ADCY9: variants seen among roughly 807,000 people sequenced by gnomAD.
The protein encoded by ADCY9 is adenylate cyclase 9.
A neutral mutation model predicts 101.5 loss-of-function variants in ADCY9; 50 were observed. The ratio of observed to expected loss-of-function variants is 0.49; its 90% CI spans 0.39 to 0.62. ADCY9 has a LOEUF of 0.62. Ranked by LOEUF, ADCY9 falls within the 20% of genes least tolerant of loss-of-function variation. The pLI is 0.00. For synonymous variants in ADCY9, 905 were observed against 769.3 expected, an observed-to-expected ratio of 1.18 and a Z score of -2.92; for missense variants, 1,662 against 1,800.4, an observed-to-expected ratio of 0.92 and a Z score of 1.39.
downstream of ADCY9, among the ~76,000 whole-genome samples, chr16:3,958,148 GAA>G (rs951315691): frequency 1.3e-5 from 2 of 152,120 alleles, no homozygotes; most frequent in African/African-American, 4.8e-5. Flanking sequence ...ACACTACCCT[GAA>G]AGACTCTCAC....
intron 2 of ADCY9, among the ~76,000 whole-genome samples, chr16:4,019,234 A>G (rs971999728): frequency 1.3e-5 from 2 of 152,084 alleles, no homozygotes; most frequent in African/African-American, 4.8e-5. Flanking sequence ...CTCCGGCCTC[A>G]GCCTGCCAAA....
intron 7 of ADCY9, chr16:3,982,742 C>G (rs888391046): frequency 1.9e-5 from 3 of 159,374 alleles, no homozygotes; most frequent in Non-Finnish European, 2.7e-5. Context: ...CTTTGTAGCG[C>G]AACAGCTTAA....
intron 2 of ADCY9, among the ~76,000 whole-genome samples, chr16:4,028,911 A>G (rs1450779762): frequency 6.6e-6 from 1 of 151,674 alleles, no homozygotes; most frequent in Non-Finnish European, 1.5e-5. Flanking sequence ...CAGTCTCTTG[A>G]GTAGCTAGGA....
Position 4,076,797 on chromosome 16 carries a change from C to T in ADCY9, c.1693+36953G>A, listed in dbSNP as rs185214570. Among the ~76,000 whole-genome samples the T allele has an allele frequency of 3.9e-3, 599 of 152,308 alleles. 5 individuals carry two copies. Among genetic ancestry groups the T allele is most frequent in the Non-Finnish European group, 7.0e-3 (477 of 68,032 alleles). ...CAATAATTAAGAATCAGCCTCCTGG[C>T]TGGGGGCGGTGGCTCACGCCTGTAA... On this transcript the variant is annotated intron_variant, in intron 2 of 10. Transcript: ENST00000294016.
chr16:3,985,126 T>A (rs1171255026), intron 6 of ADCY9, among the ~76,000 whole-genome samples: 2 of 148,128 alleles, frequency 1.4e-5, no homozygotes, highest in African/African-American at 5.0e-5. Flanking sequence ...TTTTTTCATT[T>A]TTCTTTTCTT....
chr16:4,096,689 G>T (rs1160215453), intron 2 of ADCY9, among the ~76,000 whole-genome samples: 1 of 152,112 alleles, frequency 6.6e-6, no homozygotes, highest in Non-Finnish European at 1.5e-5. Context: ...GAATCAACAT[G>T]CAATAAACAC....
chr16:4,018,970 T>TGTGTGTGTGTGTGTGTGTG (rs1555509543), intron 2 of ADCY9, among the ~76,000 whole-genome samples: 65 of 149,468 alleles, frequency 4.3e-4, no homozygotes, highest in African/African-American at 1.3e-3. Flanking sequence ...TGTGTGTGTG[T>TGTGTGTGTGTGTGTGTGTG]TTTGTTTTGT....
Position 3,965,083 on chromosome 16 carries a change from C to A in ADCY9, c.*692G>T, listed in dbSNP as rs901288281. 1 of 152,466 alleles carries A rather than the reference C, an allele frequency of 6.6e-6. No homozygotes were observed. The highest frequency in any genetic ancestry group is 2.1e-4 in the South Asian group (1 of 4,830). The allele number at this position is 152,466 out of a possible 1,614,324, so 9.4% of individuals were successfully genotyped here. A position where few individuals can be genotyped will look rare whatever the true frequency, so the allele number is the denominator to read the frequency against. On this transcript the variant is annotated 3_prime_UTR_variant, in exon 11 of 11. Coordinates refer to ENST00000294016, the MANE Select transcript of ADCY9 (RefSeq NM_001116.4). ...GGCTGGCATTTGCTGTCTTGGCCTG[C>A]ATGCATGTGGGCGAGCCCCTAAACC...
At chr16:4,079,679 T>C (rs2056889817) in intron 2 of ADCY9, among the ~76,000 whole-genome samples, 2 of 152,224 alleles carry the variant, frequency 1.3e-5, no homozygotes, top group Non-Finnish European at 2.9e-5. Context: ...TTAATGGTGT[T>C]AATGGTGTTT....
chr16:4,057,028 T>C (rs2056742866), intron 2 of ADCY9, among the ~76,000 whole-genome samples: 1 of 94,252 alleles, frequency 1.1e-5, no homozygotes, highest in Non-Finnish European at 2.2e-5. Context: ...TAACCTGTAC[T>C]GATGAAACCG....
At chr16:4,061,720 C>A (rs2056774595) in intron 2 of ADCY9, among the ~76,000 whole-genome samples, 1 of 152,024 alleles carries the variant, frequency 6.6e-6, no homozygotes, top group Non-Finnish European at 1.5e-5. Flanking sequence ...CTAAAGGAAG[C>A]CCTTCAAGAT....
At chr16:3,984,967 C>G (rs931403861) in intron 6 of ADCY9, among the ~76,000 whole-genome samples, 3 of 152,164 alleles carry the variant, frequency 2.0e-5, no homozygotes, top group Non-Finnish European at 2.9e-5. Context: ...GCCAGTCAGC[C>G]CTGATGCCAG....
At chr16:4,020,509 T>C (rs193148496) in intron 2 of ADCY9, among the ~76,000 whole-genome samples, 20 of 152,284 alleles carry the variant, frequency 1.3e-4, no homozygotes, top group African/African-American at 4.3e-4. Flanking sequence ...TGTATATTAA[T>C]AGCAGGGATA....
At chr16:4,041,499 T>C (rs1448853147) in intron 2 of ADCY9, among the ~76,000 whole-genome samples, 3 of 84,036 alleles carry the variant, frequency 3.6e-5, no homozygotes. Context: ...AGGCCCCGTA[T>C]TAAAACCAAA....
intron 8 of ADCY9, 31 bp downstream of exon 8, chr16:3,979,085 G>A (rs138272008): frequency 5.0e-5 from 81 of 1,612,652 alleles, no homozygotes; most frequent in Admixed American, 1.2e-4. Context: ...CCAGGAGAGC[G>A]TGGAAATAAA....
chr16:3,983,641 C>T (rs1463413894), intron 6 of ADCY9: 25 of 583,628 alleles, frequency 4.3e-5, no homozygotes, highest in Non-Finnish European at 7.3e-5. Context: ...TTAAACTTGC[C>T]CAGGGGGCTG....
At chr16:4,019,418 T>C (rs544993961) in intron 2 of ADCY9, among the ~76,000 whole-genome samples, 230 of 152,324 alleles carry the variant, frequency 1.5e-3, no homozygotes, top group Non-Finnish European at 2.2e-3. Context: ...CATTTATGCC[T>C]TAAGAAAATC....
At chr16:3,985,193 G>A (rs1253371571) in intron 6 of ADCY9, among the ~76,000 whole-genome samples, 1 of 135,410 alleles carries the variant, frequency 7.4e-6, no homozygotes, top group Non-Finnish European at 1.5e-5. Context: ...AGGCTGGAGT[G>A]CAGTGGCGCG....
intron 3 of ADCY9, among the ~76,000 whole-genome samples, chr16:3,998,811 A>C: frequency 7.3e-6 from 1 of 136,510 alleles, no homozygotes; most frequent in South Asian, 2.5e-4. Flanking sequence ...AAAAAGAGAA[A>C]TCCATCTACC....
Sources: gnomAD v4.1 joint callset for allele counts (sites outside exome capture counted in the v4.1 genomes callset) on GRCh38, gnomAD v4.1.1 for gene constraint, MANE v1.5 for transcripts, NCBI Gene and HGNC (gene_info 2026-07-23, HGNC 2026-07-21) for gene names.